The following HMCN2 variants were observed in gnomAD, a reference collection of about 807,000 sequenced individuals.
HMCN2 encodes hemicentin-2.
A neutral mutation model predicts 377.5 loss-of-function variants in HMCN2; 325 were observed. The observed-to-expected ratio is 0.86, with a 90% CI of 0.79 to 0.94. The LOEUF is 0.94. Among genes scored for constraint, HMCN2 ranks in the 40% least tolerant of loss-of-function variants. HMCN2 has a pLI of 0.00. For missense variants in HMCN2, 4,543 were observed against 4,725.3 expected (o/e 0.96, Z 1.13); for synonymous variants, 2,007 against 2,046.8 (o/e 0.98, Z 0.53).
chr9:130,303,553 C>A lies in HMCN2; in HGVS notation c.1488C>A (p.Cys496Ter). The A allele has an allele frequency of 2.5e-6, 1 of 404,466 alleles. No individual in the cohort carries two copies. 25.1% of individuals were successfully genotyped at this position (404,466 alleles called of 1,614,324 possible). ...ASKAEEGTYE[C>*]TAVSRAGTGR... ...AGGCCGAGGAGGGCACGTACGAGTGCACAGCCGTCAGCAGGGCTGGGACCG... is the reference window on the plus strand; with the variant it reads ...AGGCCGAGGAGGGCACGTACGAGTGAACAGCCGTCAGCAGGGCTGGGACCG... The change falls in exon 10 of 98, where the codon TGC (cysteine) becomes TGA (stop). Residue 496 changes from cysteine (C) to a stop codon, truncating the protein, a stop_gained. Transcript: ENST00000683500. LOFTEE classifies it high-confidence loss of function. This position sits in a 1 kb window ranked among gnomAD's most constrained non-coding sequence, Gnocchi z 5.2.
At chr9:130,331,766 C>G (rs1281672781) in intron 22 of HMCN2, among the ~76,000 whole-genome samples, 4 of 152,170 alleles carry the variant, frequency 2.6e-5, no homozygotes, top group African/African-American at 9.7e-5. Flanking sequence ...TTTGGGATTC[C>G]GATGAGGAGA....
At position 130,430,290 on chromosome 9, in the gene HMCN2, A is replaced by G; in HGVS notation, c.14333A>G (p.Asn4778Ser). ...QGPSLPCLDV[N>S]ECLQLPKACA... Reference sequence around the variant, plus strand: ...TGACCCCACCCGTCTGCAGATGTCAATGAGTGCCTGCAGCTGCCCAAGGCC... The same window carrying G: ...TGACCCCACCCGTCTGCAGATGTCAGTGAGTGCCTGCAGCTGCCCAAGGCC... The change falls in exon 95 of 98, where the codon AAT becomes AGT. Residue 4778 changes from asparagine (N) to serine (S), a missense_variant. By Grantham distance (46) the Asn-to-Ser change is conservative. This residue lies in a region of HMCN2 where 1,155 missense variants were observed against 1,157.7 expected (regional missense o/e 1.00). Coordinates refer to ENST00000683500, the MANE Select transcript of HMCN2 (RefSeq NM_001291815.2). 1.6e-5 allele frequency: 24 copies of G among 1,537,736 alleles called. No individual in the cohort carries two copies. Among genetic ancestry groups the G allele is most frequent in the Non-Finnish European group, 2.1e-5 (24 of 1,145,224 alleles).
intron 1 of HMCN2, 33 bp from the exon 2 acceptor site, chr9:130,284,570 G>T (rs578040545): frequency 1.5e-5 from 7 of 470,892 alleles, no homozygotes; most frequent in Non-Finnish European, 1.3e-5. Context: ...AGGAGTCCCA[G>T]CCCATCTGGG....
In HMCN2 at chr9:130,350,378, C is replaced by CAAAAAAAAAAAA. The variant is rs1448443171; in HGVS notation, c.4430+722_4430+723insAAAAAAAAAAAA. Among the ~76,000 whole-genome samples, 44 of 74,696 alleles carry CAAAAAAAAAAAA rather than the reference C, an allele frequency of 5.9e-4. 3 individuals carry two copies. Among genetic ancestry groups the CAAAAAAAAAAAA allele is most frequent in the South Asian group, 1.2e-3 (2 of 1,686 alleles). The allele number at this position is 74,696 out of a possible 152,430, so 49.0% of individuals were successfully genotyped here. A position where few individuals can be genotyped will look rare whatever the true frequency, so the allele number is the denominator to read the frequency against. ...CGAGACCCTGTCTCTGCTAAAAATA[C>CAAAAAAAAAAAA]AAAAAAATACAAAAAAAAAAAAAAA... On this transcript the variant is annotated intron_variant, in intron 29 of 97. Transcript: ENST00000683500.
intron 22 of HMCN2, among the ~76,000 whole-genome samples, chr9:130,333,164 C>T (rs1838516215): frequency 6.6e-6 from 1 of 152,228 alleles, no homozygotes; most frequent in Non-Finnish European, 1.5e-5. Context: ...CCATGCTGAA[C>T]TGGGGCATGC....
chr9:130,413,131 T>C (rs1358604179), intron 85 of HMCN2, among the ~76,000 whole-genome samples: 1 of 152,226 alleles, frequency 6.6e-6, no homozygotes, highest in East Asian at 1.9e-4. Flanking sequence ...AATTGTTTTC[T>C]TTGATTTTTG....
At chr9:130,429,181 A>T (rs190294596) in intron 93 of HMCN2, 66 of 213,924 alleles carry the variant, frequency 3.1e-4, no homozygotes, top group African/African-American at 1.4e-3. Flanking sequence ...AGCTCTTCCC[A>T]CATACCAGGC....
Position 130,382,224 on chromosome 9 carries a change from C to T in HMCN2, c.8472C>T (p.Asn2824=), listed in dbSNP as rs926641554. The T allele has an allele frequency of 4.1e-6, 4 of 985,820 alleles. No homozygotes were observed. The highest frequency in any genetic ancestry group is 4.8e-6 in the Non-Finnish European group (4 of 829,920). 61.1% of individuals were successfully genotyped at this position (985,820 alleles called of 1,614,324 possible). ...VLQIPLVRAE[N]AGRYSCKASN... The stretch of plus-strand genomic sequence containing the variant: ...AGATCCCCCTGGTGCGGGCAGAGAA[C>T]GCCGGGAGGTACTCGTGCAAGGCCT... The change falls in exon 55 of 98, where the codon AAC becomes AAT. Residue 2824 remains asparagine (N), a synonymous_variant. Transcript: ENST00000683500.
intron 48 of HMCN2, 50 bp downstream of exon 48, chr9:130,373,174 T>G (rs1022018931): frequency 2.7e-6 from 2 of 745,506 alleles, no homozygotes; most frequent in Non-Finnish European, 3.3e-6. Context: ...GGAAGGCACC[T>G]TCAGAAAGGA....
Position 130,391,334 on chromosome 9 carries a change from G to T in HMCN2, c.9798G>T (p.Pro3266=), listed in dbSNP as rs1564846212. Residue 3266 remains proline (P), a synonymous_variant, in exon 64 of 98, where the codon CCG becomes CCT. Transcript: ENST00000683500. The part of the protein sequence containing the change: ...PDVAWLKDGS[P]LGQDMGPHLR... ...TGGCCTGGCTGAAGGACGGCAGCCC[G>T]CTGGGCCAGGACATGGGCCCCCACC... The T allele has an allele frequency of 1.2e-5, 12 of 987,542 alleles. No individual in the cohort carries two copies. The highest frequency in any genetic ancestry group is 1.4e-5 in the Non-Finnish European group (12 of 830,146). The allele number at this position is 987,542 out of a possible 1,614,324, so 61.2% of individuals were successfully genotyped here.
rs151159912 is a variant in HMCN2, at chr9:130,354,977, C to T, written c.5079C>T (p.Gly1693=). 1.5e-5 allele frequency: 19 copies of T among 1,300,148 alleles called. No homozygotes were observed. The African/African-American group carries it at 2.6e-4, about 18-fold the overall frequency. 80.5% of individuals were successfully genotyped at this position (1,300,148 alleles called of 1,614,324 possible). A position where few individuals can be genotyped will look rare whatever the true frequency, so the allele number is the denominator to read the frequency against. The change falls in exon 32 of 98, where the codon GGC becomes GGT. Residue 1693 remains glycine, a synonymous_variant. Coordinates refer to ENST00000683500, the MANE Select transcript of HMCN2 (RefSeq NM_001291815.2). ...RLESPGEASS[G]LYSCVASSPA... ...AGAGCCCGGGGGAGGCATCCAGTGG[C>T]CTGTACAGCTGTGTGGCCAGCAGTC...
rs1008862083 is a variant in HMCN2, at chr9:130,385,603, G to C, written c.9150G>C (p.Ala3050=). 1.5e-6 allele frequency: 2 copies of C among 1,304,104 alleles called. No individual in the cohort carries two copies. Among genetic ancestry groups the C allele is most frequent in the Admixed American group, 2.3e-5 (1 of 43,552 alleles). The allele number at this position is 1,304,104 out of a possible 1,614,324, so 80.8% of individuals were successfully genotyped here. A position where few individuals can be genotyped will look rare whatever the true frequency, so the allele number is the denominator to read the frequency against. ...AGGCTCCCAGAGGTCCCCAGGATGC[G>C]GTCCTGGTGAGGGTCGGGGACAAAG... The part of the protein sequence containing the change: ...FRQAPRGPQD[A]VLVRVGDKAV... The change falls in exon 60 of 98, where the codon GCG becomes GCC. Residue 3050 remains alanine (A), a synonymous_variant. Coordinates refer to ENST00000683500, the MANE Select transcript of HMCN2 (RefSeq NM_001291815.2).
intron 96 of HMCN2, among the ~76,000 whole-genome samples, chr9:130,432,149 G>A (rs1183041091): frequency 6.6e-6 from 1 of 152,186 alleles, no homozygotes; most frequent in East Asian, 1.9e-4. Flanking sequence ...GCCACCCAGG[G>A]AAAGCCCCAT....
intron 1 of HMCN2, among the ~76,000 whole-genome samples, chr9:130,269,022 C>T (rs530454948): frequency 1.3e-5 from 2 of 148,450 alleles, no homozygotes; most frequent in Admixed American, 1.3e-4. Flanking sequence ...ACTTGAGAAA[C>T]GGGTTGTAGC....
At chr9:130,416,551 T>G (rs923145493) in intron 85 of HMCN2, among the ~76,000 whole-genome samples, 13 of 152,244 alleles carry the variant, frequency 8.5e-5, no homozygotes, top group African/African-American at 2.9e-4. Context: ...GCTACATGGA[T>G]GTACCACAGT....
intron 40 of HMCN2, 80 bp from the exon 41 acceptor site, chr9:130,364,634 G>A (rs1840590252): frequency 6.5e-6 from 5 of 768,822 alleles, no homozygotes; most frequent in Non-Finnish European, 6.3e-6. Context: ...CGAGTAGCTA[G>A]GCCTGACCCA....
At position 130,432,466 on chromosome 9, in the gene HMCN2, A is replaced by G. The variant is rs1564891683; in HGVS notation, c.14805A>G (p.Gly4935=). 4 of 1,550,764 alleles carry G rather than the reference A, an allele frequency of 2.6e-6. No homozygotes were observed. The Admixed American group carries it at 5.9e-5, about 23-fold the overall frequency. The change falls in exon 97 of 98, where the codon GGA becomes GGG. Residue 4935 remains glycine, a synonymous_variant. Transcript: ENST00000683500. ...GCGAGGAGGAGAGCATCGAGTGTGG[A>G]CCCGGCCAGATGTGCTTCAACACCC... ...NECEEESIEC[G]PGQMCFNTRG...
At chr9:130,343,335 C>T (rs1839164170) in intron 25 of HMCN2, among the ~76,000 whole-genome samples, 1 of 152,186 alleles carries the variant, frequency 6.6e-6, no homozygotes, top group African/African-American at 2.4e-5. Flanking sequence ...CTGACAGGAG[C>T]CTGGGGGGCG....
intron 1 of HMCN2, among the ~76,000 whole-genome samples, chr9:130,282,445 C>T (rs544130471): frequency 1.3e-5 from 2 of 152,328 alleles, no homozygotes; most frequent in East Asian, 3.9e-4. Context: ...GGGTTCCAGT[C>T]AGATCTGGCC....
Sources: allele counts gnomAD v4.1 joint callset (sites outside exome capture counted in the v4.1 genomes callset), GRCh38; gene constraint gnomAD v4.1.1; regional missense constraint gnomAD v4.1.1; non-coding constraint Gnocchi (gnomAD v3.1); transcripts MANE v1.5; gene names NCBI Gene and HGNC (gene_info 2026-07-23, HGNC 2026-07-21).